AKT1S1: variants seen among roughly 807,000 people sequenced by gnomAD.
AKT1S1 encodes proline-rich AKT1 substrate 1.
In AKT1S1, 17 loss-of-function variants were observed where a neutral mutation model predicts 21.2. That is an observed-to-expected ratio of 0.80 (90% CI 0.55 to 1.20). AKT1S1 has a LOEUF of 1.20. Among genes scored for constraint, AKT1S1 ranks in the 50% most tolerant of loss-of-function variants. The probability of loss-of-function intolerance (pLI) is 0.00; values close to 1 mark genes in which losing one functional copy is unlikely to be tolerated. For synonymous variants in AKT1S1, 181 were observed against 165.6 expected (o/e 1.09, Z -0.72); for missense variants, 366 against 368.3 (o/e 0.99, Z 0.05).
At chr19:49,875,974 T>A (rs751299755) in intron 1 of AKT1S1, 2 of 985,310 alleles carry the variant, frequency 2.0e-6, no homozygotes, top group Non-Finnish European at 2.4e-6. Flanking sequence ...AGGGAGAGAT[T>A]AGAGGAAAGT....
At chr19:49,871,420 T>G in intron 4 of AKT1S1, 127 bp downstream of exon 4, 1 of 1,303,254 alleles carries the variant, frequency 7.7e-7, no homozygotes, top group Non-Finnish European at 1.1e-6. Context: ...ACTCGCCTCT[T>G]GAGGTTGAGG....
intron 4 of AKT1S1, among the ~76,000 whole-genome samples, chr19:49,870,659 T>C (rs2074873812): frequency 6.6e-6 from 1 of 152,214 alleles, no homozygotes; most frequent in Non-Finnish European, 1.5e-5. Context: ...CACCCGGAGC[T>C]GGGCCTGTCC....
intron 1 of AKT1S1, chr19:49,874,578 G>A (rs8110265): frequency 0.44 from 67,251 of 152,116 alleles, 15,476 homozygotes; most frequent in African/African-American, 0.57. Flanking sequence ...GGACAGGTCG[G>A]CCCTAAGCAG....
In AKT1S1 at chr19:49,871,546, C is replaced by T. The variant is rs1357346052; in HGVS notation, c.627+1G>A. 6.2e-7 allele frequency: 1 copy of T among 1,613,860 alleles called. No individual in the cohort carries two copies. Among genetic ancestry groups the T allele is most frequent in the African/African-American group, 1.3e-5 (1 of 74,910 alleles). ...CCTACCTCCCCACATTTGCCCCTCACCGGCCCATTCTCCTCATCTGATGAC... is the reference window on the plus strand; with the variant it reads ...CCTACCTCCCCACATTTGCCCCTCATCGGCCCATTCTCCTCATCTGATGAC... On this transcript the variant is annotated splice_donor_variant, in intron 4 of 4. Transcript: ENST00000344175. LOFTEE classifies it high-confidence loss of function.
intron 1 of AKT1S1, chr19:49,876,856 C>G (rs1376003903): frequency 1.9e-6 from 1 of 519,298 alleles, no homozygotes; most frequent in Non-Finnish European, 3.3e-6. Flanking sequence ...TAATGGCCGT[C>G]CTCATATGCT....
chr19:49,876,840 C>G, intron 1 of AKT1S1: 1 of 580,250 alleles, frequency 1.7e-6, no homozygotes, highest in Non-Finnish European at 2.7e-6. Context: ...CATTTGCCCC[C>G]AACAATAATG....
chr19:49,873,286 C>T lies in AKT1S1; in HGVS notation c.10G>A (p.Gly4Arg). 1 of 1,506,512 alleles carries T rather than the reference C, an allele frequency of 6.6e-7. No homozygotes were observed. Among genetic ancestry groups the T allele is most frequent in the Non-Finnish European group, 8.8e-7 (1 of 1,137,984 alleles). 93.3% of individuals were successfully genotyped at this position (1,506,512 alleles called of 1,614,324 possible). ...GCCTCCCACAGCTCCTCGGGGCGCC[C>T]CGACGCCATCCGCGCCCTGCGGGCC... MASGRPEELWEAVV... is the reference protein window; with the variant it reads MASRRPEELWEAVV... Residue 4 changes from glycine (G) to arginine (R), a missense_variant, in exon 2 of 5, where the codon GGG becomes AGG. Coordinates refer to ENST00000344175, the MANE Select transcript of AKT1S1 (RefSeq NM_001098633.4). The surrounding 1 kb of genome is among the most constrained non-coding windows in gnomAD (Gnocchi z 6.9).
chr19:49,876,957 G>A lies in AKT1S1; in HGVS notation c.-8+280C>T, dbSNP rs961534563. 3 of 365,766 alleles carry A rather than the reference G, an allele frequency of 8.2e-6. No homozygotes were observed. In the South Asian group the frequency reaches 2.5e-4, roughly 30 times the overall value. The allele number at this position is 365,766 out of a possible 1,614,324, so 22.7% of individuals were successfully genotyped here. A position where few individuals can be genotyped will look rare whatever the true frequency, so the allele number is the denominator to read the frequency against. On this transcript the variant is annotated intron_variant, in intron 1 of 4. Transcript: ENST00000344175. ...ACAAAAGTAGAGGAAATCGGTGCTCGTTAACAACATGGCAGCCAACCGGGC... is the reference window on the plus strand; with the variant it reads ...ACAAAAGTAGAGGAAATCGGTGCTCATTAACAACATGGCAGCCAACCGGGC...
chr19:49,876,939 T>C (rs1210923307), intron 1 of AKT1S1: 3 of 385,656 alleles, frequency 7.8e-6, no homozygotes, highest in South Asian at 1.5e-4. Flanking sequence ...TCGACAAAAG[T>C]AGAGGAAATC....
intron 1 of AKT1S1, chr19:49,876,329 C>T (rs1402024650): frequency 2.5e-6 from 3 of 1,212,306 alleles, no homozygotes; most frequent in Non-Finnish European, 3.1e-6. Context: ...AAACCATCCC[C>T]CGACCCCGTG....
upstream of AKT1S1, chr19:49,877,522 G>A: frequency 1.8e-6 from 1 of 555,716 alleles, no homozygotes; most frequent in East Asian, 3.2e-5. Context: ...CACCTTCAGC[G>A]TCTGCGCCAC....
upstream of AKT1S1, chr19:49,877,876 G>A (rs1379326759): frequency 7.9e-6 from 9 of 1,143,846 alleles, no homozygotes; most frequent in African/African-American, 7.8e-5. Context: ...TTATAAACGC[G>A]CCGTCACCCT....
upstream of AKT1S1, chr19:49,877,545 C>A (rs998547031): frequency 3.4e-6 from 2 of 589,046 alleles, no homozygotes; most frequent in Admixed American, 3.5e-5. Flanking sequence ...GACTCCGATC[C>A]ACCCTCGAGG....
upstream of AKT1S1, chr19:49,877,676 T>G (rs779179187): frequency 3.8e-6 from 6 of 1,588,434 alleles, no homozygotes; most frequent in African/African-American, 1.3e-5. Context: ...GACAACACGC[T>G]GACTAGGAAA....
At chr19:49,876,067 G>A (rs1293756388) in intron 1 of AKT1S1, 2 of 985,706 alleles carry the variant, frequency 2.0e-6, no homozygotes, top group African/African-American at 1.7e-5. Flanking sequence ...CTAAGGAGGA[G>A]AGGGGTGGAA....
At chr19:49,878,231 T>C, upstream of AKT1S1, 1 of 1,558,130 alleles carries the variant, frequency 6.4e-7, no homozygotes, top group African/African-American at 1.4e-5. Context: ...GTCATCCGTG[T>C]CGTGGAAAAG....
chr19:49,875,602 C>T (rs1211964571), intron 1 of AKT1S1, among the ~76,000 whole-genome samples: 2 of 152,234 alleles, frequency 1.3e-5, no homozygotes, highest in Non-Finnish European at 2.9e-5. Context: ...CTCTCACTTC[C>T]ACGGGCCTCC....
At chr19:49,876,986 A>G (rs2074955700) in intron 1 of AKT1S1, 6 of 316,026 alleles carry the variant, frequency 1.9e-5, no homozygotes, top group Admixed American at 1.0e-4. Flanking sequence ...ACCGGGCTTA[A>G]TCAGCCCATA....
rs2074885176 is a variant in AKT1S1, at chr19:49,871,647, G to C, written c.527C>G (p.Pro176Arg). Residue 176 changes from proline (P) to arginine (R), a missense_variant, in exon 4 of 5, where the codon CCC becomes CGC. Coordinates refer to ENST00000344175, the MANE Select transcript of AKT1S1 (RefSeq NM_001098633.4). The stretch of plus-strand genomic sequence containing the variant: ...CAGGGACTTGGCGTACTGCTGTGTG[G>C]GTAGGGCTGAGGCTGGGGGCACTGA... ...TCSVPPASAL[P>R]TQQYAKSLPV... 1 of 1,614,016 alleles carries C rather than the reference G, an allele frequency of 6.2e-7. No individual in the cohort carries two copies. Among genetic ancestry groups the C allele is most frequent in the Non-Finnish European group, 8.5e-7 (1 of 1,180,022 alleles).
Sources: allele counts gnomAD v4.1 joint callset (sites outside exome capture counted in the v4.1 genomes callset), GRCh38; gene constraint gnomAD v4.1.1; non-coding constraint Gnocchi (gnomAD v3.1); transcripts MANE v1.5; gene names NCBI Gene and HGNC (gene_info 2026-07-23, HGNC 2026-07-21).